SNTG1: variants seen among roughly 807,000 people sequenced by gnomAD.
SNTG1 encodes syntrophin gamma 1, also known as gamma-1-syntrophin.
Under a neutral mutation model 74.7 loss-of-function variants are expected in SNTG1, and 39 were observed. The ratio of observed to expected loss-of-function variants is 0.52; its 90% CI spans 0.40 to 0.68. The LOEUF (loss-of-function observed/expected upper bound fraction) is 0.68. Ranked by LOEUF, SNTG1 falls within the 30% of genes least tolerant of loss-of-function variation. The pLI is 0.00. For missense variants in SNTG1, 685 were observed against 609.5 expected (o/e 1.12, Z -1.30); for synonymous variants, 254 against 217.1 (o/e 1.17, Z -1.49).
intron 4 of SNTG1, among the ~76,000 whole-genome samples, chr8:50,432,136 A>G (rs991082411): frequency 1.3e-5 from 2 of 152,188 alleles, no homozygotes; most frequent in African/African-American, 4.8e-5. Flanking sequence ...ATTCTCTTCT[A>G]GTACTACTGT....
intron 2 of SNTG1, among the ~76,000 whole-genome samples, chr8:50,324,611 A>T (rs920927861): frequency 1.3e-5 from 2 of 151,968 alleles, no homozygotes; most frequent in African/African-American, 4.8e-5. Context: ...TTCCCTCTTT[A>T]GTTCCTGGTA....
intron 18 of SNTG1, chr8:50,762,728 C>G: frequency 2.1e-6 from 1 of 484,524 alleles, no homozygotes; most frequent in South Asian, 1.5e-5. Flanking sequence ...GTGCTTGCCT[C>G]CCTTTTCCAT....
Position 50,403,314 on chromosome 8 carries a change from G to C in SNTG1, c.162+970G>C, listed in dbSNP as rs1026171142. Among the ~76,000 whole-genome samples the C allele has an allele frequency of 1.5e-4, 23 of 152,154 alleles. No homozygotes were observed. In the South Asian group the frequency reaches 4.8e-3, roughly 32 times the overall value. On this transcript the variant is annotated intron_variant, in intron 4 of 18. Coordinates refer to ENST00000642720, the MANE Select transcript of SNTG1 (RefSeq NM_018967.5). ...TAACACCCTATGGGAGTCACACAAG[G>C]CCCTAAATCAATAGGCCTTTGCCAA...
At chr8:50,688,848 A>C (rs961782468) in intron 15 of SNTG1, among the ~76,000 whole-genome samples, 4 of 151,848 alleles carry the variant, frequency 2.6e-5, no homozygotes, top group African/African-American at 9.7e-5. Flanking sequence ...TACCTTGGAC[A>C]GTATGGCCAT....
intron 4 of SNTG1, among the ~76,000 whole-genome samples, chr8:50,424,770 A>G (rs1235966871): frequency 6.6e-6 from 1 of 152,206 alleles, no homozygotes; most frequent in African/African-American, 2.4e-5. Flanking sequence ...TTGGGAATCA[A>G]TTTCATGACA....
intron 15 of SNTG1, among the ~76,000 whole-genome samples, chr8:50,679,816 G>C (rs1052804853): frequency 6.6e-6 from 1 of 152,064 alleles, no homozygotes; most frequent in Admixed American, 6.6e-5. Flanking sequence ...GATCATATTT[G>C]TAACTTTTGA....
chr8:50,409,136 C>A (rs2092915908), intron 4 of SNTG1, among the ~76,000 whole-genome samples: 1 of 152,118 alleles, frequency 6.6e-6, no homozygotes, highest in African/African-American at 2.4e-5. Flanking sequence ...TCCTCAGAGG[C>A]TTCAGGAGGT....
intron 2 of SNTG1, among the ~76,000 whole-genome samples, chr8:50,204,605 A>T (rs984888679): frequency 6.6e-6 from 1 of 152,192 alleles, no homozygotes; most frequent in African/African-American, 2.4e-5. Flanking sequence ...GTTCTAGGGT[A>T]CATGTGCACA....
At chr8:50,525,908 T>A (rs1455118320) in intron 9 of SNTG1, among the ~76,000 whole-genome samples, 4 of 151,916 alleles carry the variant, frequency 2.6e-5, no homozygotes, top group Non-Finnish European at 4.4e-5. Flanking sequence ...TGTGCTATTA[T>A]TTTTTTTCTG....
In SNTG1 at chr8:50,708,996, G is replaced by A; in HGVS notation, c.1284+18G>A. ...CAACAAAGGTAATGTGTTCAGGTCAGCTCTGAGAAATATGCTGCAAACATT... is the reference window on the plus strand; with the variant it reads ...CAACAAAGGTAATGTGTTCAGGTCAACTCTGAGAAATATGCTGCAAACATT... On this transcript the variant is annotated intron_variant, in intron 17 of 18. Coordinates refer to ENST00000642720, the MANE Select transcript of SNTG1 (RefSeq NM_018967.5). 1 of 1,571,768 alleles carries A rather than the reference G, an allele frequency of 6.4e-7. No individual in the cohort carries two copies. Among genetic ancestry groups the A allele is most frequent in the Non-Finnish European group, 8.8e-7 (1 of 1,142,588 alleles).
chr8:50,290,876 G>GC (rs1586977855), intron 2 of SNTG1, among the ~76,000 whole-genome samples: 1 of 151,872 alleles, frequency 6.6e-6, no homozygotes, highest in African/African-American at 2.4e-5. Context: ...TTCTGCTTCA[G>GC]CCCCCCAAGT....
chr8:50,183,896 A>C (rs191826593), intron 2 of SNTG1, among the ~76,000 whole-genome samples: 275 of 152,308 alleles, frequency 1.8e-3, no homozygotes, highest in African/African-American at 6.1e-3. Flanking sequence ...CTACTATAGC[A>C]GCATTAATAA....
At chr8:50,457,013 A>C (rs2093512805) in intron 8 of SNTG1, 1 of 152,160 alleles carries the variant, frequency 6.6e-6, no homozygotes, top group African/African-American at 2.4e-5. Flanking sequence ...TTATTTTCAC[A>C]ATAACCAGCT....
chr8:50,005,030 G>T (rs1022235648), intron 1 of SNTG1, among the ~76,000 whole-genome samples: 2 of 151,862 alleles, frequency 1.3e-5, no homozygotes, highest in Admixed American at 6.6e-5. Context: ...TATTTTTGTT[G>T]TTTCTATAAA....
intron 1 of SNTG1, among the ~76,000 whole-genome samples, chr8:49,955,389 C>A (rs1203063262): frequency 2.0e-5 from 3 of 152,188 alleles, no homozygotes; most frequent in Non-Finnish European, 4.4e-5. Context: ...GAGCTCAGCA[C>A]GCACATTGCC....
intron 13 of SNTG1, among the ~76,000 whole-genome samples, chr8:50,601,705 T>C (rs1411022265): frequency 2.0e-5 from 3 of 152,306 alleles, no homozygotes; most frequent in African/African-American, 7.2e-5. Flanking sequence ...ATTTGTCCAG[T>C]GCTGAAAGTT....
chr8:50,014,648 T>A (rs1816139823), intron 1 of SNTG1, among the ~76,000 whole-genome samples: 1 of 152,086 alleles, frequency 6.6e-6, no homozygotes, highest in African/African-American at 2.4e-5. Context: ...TGGACTCACA[T>A]ACAGATCCCC....
chr8:50,595,970 A>G (rs924742159), intron 13 of SNTG1, among the ~76,000 whole-genome samples: 1 of 151,924 alleles, frequency 6.6e-6, no homozygotes, highest in Admixed American at 6.6e-5. Context: ...ATATGTTTTT[A>G]TTATATTTGG....
chr8:50,237,365 T>C (rs1307193841), intron 2 of SNTG1, among the ~76,000 whole-genome samples: 2 of 152,194 alleles, frequency 1.3e-5, no homozygotes, highest in South Asian at 2.1e-4. Context: ...TGATGTCATG[T>C]ACATCTATCA....
Sources: gnomAD v4.1 joint callset for allele counts (sites outside exome capture counted in the v4.1 genomes callset) on GRCh38, gnomAD v4.1.1 for gene constraint, MANE v1.5 for transcripts, NCBI Gene and HGNC (gene_info 2026-07-23, HGNC 2026-07-21) for gene names.